PTPRH: variants seen among roughly 807,000 people sequenced by gnomAD.
PTPRH encodes receptor-type tyrosine-protein phosphatase H.
PTPRH carries 113 observed loss-of-function variants against 130.2 expected under a neutral mutation model. The ratio of observed to expected loss-of-function variants is 0.87; its 90% CI spans 0.75 to 1.01. The LOEUF (loss-of-function observed/expected upper bound fraction) is 1.01, where lower values mean the gene tolerates loss of function less well. PTPRH is among the 50% of genes least tolerant of loss of function. The probability of loss-of-function intolerance (pLI) is 0.00; values close to 1 mark genes in which losing one functional copy is unlikely to be tolerated. For missense variants in PTPRH, 1,430 were observed against 1,425.0 expected, an observed-to-expected ratio of 1.00 and a Z score of -0.06; for synonymous variants, 556 against 577.9, an observed-to-expected ratio of 0.96 and a Z score of 0.54.
rs2086888451 is a variant in PTPRH, at chr19:55,202,267, G to A, written c.942C>T (p.Ala314=). Residue 314 remains alanine, a synonymous_variant, in exon 6 of 20, where the codon GCC becomes GCT. Transcript: ENST00000376350. ...TVEAQTNSSI[A]LTWEVPDGPD... is the part of the protein sequence containing the mutation. ...GGCCATCGGGGACCTCCCAGGTCAGGGCGATGGAGCTGTTGGTCTGAGCCT... is the reference window on the plus strand; with the variant it reads ...GGCCATCGGGGACCTCCCAGGTCAGAGCGATGGAGCTGTTGGTCTGAGCCT... 6.2e-7 allele frequency: 1 copy of A among 1,614,216 alleles called. No homozygotes were observed. The highest frequency in any genetic ancestry group is 8.5e-7 in the Non-Finnish European group (1 of 1,180,030).
intron 10 of PTPRH, among the ~76,000 whole-genome samples, chr19:55,192,254 T>C (rs2086564639): frequency 6.6e-6 from 1 of 151,552 alleles, no homozygotes; most frequent in Admixed American, 6.6e-5. Flanking sequence ...TACAAAAAAT[T>C]AGCAGGGCGT....
At chr19:55,204,981 G>T (rs547432890) in intron 4 of PTPRH, among the ~76,000 whole-genome samples, 7 of 152,230 alleles carry the variant, frequency 4.6e-5, no homozygotes, top group African/African-American at 1.7e-4. Context: ...AATATGTGAC[G>T]CAGCTGGGGA....
At chr19:55,192,014 A>G (rs1446511105) in intron 10 of PTPRH, 1 of 596,260 alleles carries the variant, frequency 1.7e-6, no homozygotes, top group Non-Finnish European at 3.1e-6. Flanking sequence ...GAAGACCTTT[A>G]TGATGATCTA....
intron 18 of PTPRH, among the ~76,000 whole-genome samples, chr19:55,184,190 A>G (rs1345117505): frequency 6.6e-6 from 1 of 152,082 alleles, no homozygotes; most frequent in East Asian, 1.9e-4. Context: ...AGGCTGAGGC[A>G]GGAGAATTGC....
intron 6 of PTPRH, 69 bp downstream of exon 6, chr19:55,201,987 C>T (rs528932759): frequency 6.3e-6 from 10 of 1,580,246 alleles, no homozygotes; most frequent in East Asian, 2.2e-5. Flanking sequence ...AATAGACAAT[C>T]GTCTACATTC....
intron 5 of PTPRH, among the ~76,000 whole-genome samples, chr19:55,203,225 G>C (rs1488907613): frequency 1.3e-5 from 2 of 150,710 alleles, no homozygotes; most frequent in Admixed American, 6.6e-5. Flanking sequence ...TACTCGGGAG[G>C]CTGAGGCAGG....
chr19:55,183,726 C>CA (rs375989940), intron 18 of PTPRH, among the ~76,000 whole-genome samples: 2,599 of 150,166 alleles, frequency 0.017, 80 homozygotes, highest in African/African-American at 0.059. Context: ...TCTGTCTCCA[C>CA]AAAAAAAAAT....
At chr19:55,185,384 C>T in intron 18 of PTPRH, 118 bp downstream of exon 18, 4 of 1,109,148 alleles carry the variant, frequency 3.6e-6, no homozygotes, top group Non-Finnish European at 5.1e-6. Flanking sequence ...CCACATCCAC[C>T]TCCTCCTTCT....
intron 3 of PTPRH, 124 bp from the exon 4 acceptor site, chr19:55,205,716 G>A: frequency 7.1e-7 from 1 of 1,405,480 alleles, no homozygotes; most frequent in Admixed American, 2.6e-5. Context: ...TGTCCAGTGT[G>A]GCAGCCACGA....
chr19:55,189,530 A>T (rs1023797422), intron 12 of PTPRH, among the ~76,000 whole-genome samples: 1 of 152,154 alleles, frequency 6.6e-6, no homozygotes. Context: ...TCTGAACCTC[A>T]CGTGTGCTGT....
intron 14 of PTPRH, among the ~76,000 whole-genome samples, chr19:55,187,073 C>G (rs534397180): frequency 6.7e-6 from 1 of 148,222 alleles, no homozygotes; most frequent in Admixed American, 6.8e-5. Context: ...GGGCCGGGCG[C>G]AGTGGCTCAC....
Position 55,181,742 on chromosome 19 carries a change from C to A in PTPRH, c.*12G>T, listed in dbSNP as rs1454109230. 4 of 1,613,864 alleles carry A rather than the reference C, an allele frequency of 2.5e-6. No homozygotes were observed. The highest frequency in any genetic ancestry group is 4.5e-5 in the East Asian group (2 of 44,880). ...GAGGATGCCTGGGCTGCCGACCCAG[C>A]CCCCTCGTCACTTAGACCTCCAACT... On this transcript the variant is annotated 3_prime_UTR_variant, in exon 20 of 20. Coordinates refer to ENST00000376350, the MANE Select transcript of PTPRH (RefSeq NM_002842.5).
rs1470769584 is a variant in PTPRH, at chr19:55,198,883, G to A, written c.1450C>T (p.Gln484Ter). ...GCAATGGTGCTGTTGGTCCAGTCCT[G>A]CTTGCTGAGGCTTGTCACTGCGTTG... ...VPNAVTSLSK[Q>*]DWTNSTIALR... Residue 484 changes from glutamine to a stop codon, truncating the protein, a stop_gained, in exon 8 of 20, where the codon CAG becomes TAG. Transcript: ENST00000376350. LOFTEE classifies it high-confidence loss of function. 2.6e-6 allele frequency: 4 copies of A among 1,524,734 alleles called. No individual in the cohort carries two copies. In the African/African-American group the frequency reaches 5.5e-5, roughly 21 times the overall value. The allele number at this position is 1,524,734 out of a possible 1,614,324, so 94.5% of individuals were successfully genotyped here. A position where few individuals can be genotyped will look rare whatever the true frequency, so the allele number is the denominator to read the frequency against.
chr19:55,206,717 GCTATTTACTCCGTCTTT>G lies in PTPRH; in HGVS notation c.307_323del (p.Lys103LeufsTer47). The G allele has an allele frequency of 1.2e-6, 2 of 1,611,708 alleles. No homozygotes were observed. Among genetic ancestry groups the G allele is most frequent in the South Asian group, 2.2e-5 (2 of 90,998 alleles). On this transcript the variant is annotated frameshift_variant, in exon 3 of 20. Transcript: ENST00000376350. LOFTEE classifies it high-confidence loss of function. ...TGGCAGTAGTGACAGTCCCCACAGA[GCTATTTACTCCGTCTTT>G]CTCCACCCACACAGAACACGTATAC...
chr19:55,196,891 C>T, intron 9 of PTPRH, 103 bp from the exon 10 acceptor site: 1 of 1,396,984 alleles, frequency 7.2e-7, no homozygotes. Flanking sequence ...CCTTCCTCGC[C>T]AAATCCAAAC....
At chr19:55,205,663 C>T (rs528932882) in intron 3 of PTPRH, 71 bp from the exon 4 acceptor site, 171 of 1,585,296 alleles carry the variant, frequency 1.1e-4, no homozygotes, top group East Asian at 1.0e-3. Flanking sequence ...CTTCCTTAAC[C>T]GTTGCATCCA....
Position 55,209,324 on chromosome 19 carries a change from T to A in PTPRH, c.51+59A>T. 6.9e-7 allele frequency: 1 copy of A among 1,448,514 alleles called. No individual in the cohort carries two copies. Among genetic ancestry groups the A allele is most frequent in the Non-Finnish European group, 9.5e-7 (1 of 1,052,664 alleles). The allele number at this position is 1,448,514 out of a possible 1,614,324, so 89.7% of individuals were successfully genotyped here. A position where few individuals can be genotyped will look rare whatever the true frequency, so the allele number is the denominator to read the frequency against. ...ATCGAGGTGCAGGCACCCAGCTCCTTCTCCCTCAGACCTGGGAGTCCCTGC... is the reference window on the plus strand; with the variant it reads ...ATCGAGGTGCAGGCACCCAGCTCCTACTCCCTCAGACCTGGGAGTCCCTGC... On this transcript the variant is annotated intron_variant, in intron 1 of 19. Transcript: ENST00000376350. The surrounding 1 kb of genome is among the most constrained non-coding windows in gnomAD (Gnocchi z 4.1).
At chr19:55,196,424 G>C (rs2086680656) in intron 10 of PTPRH, 98 bp downstream of exon 10, 1 of 1,372,522 alleles carries the variant, frequency 7.3e-7, no homozygotes. Context: ...CAAAGGAAAT[G>C]AGAAACAAAA....
intron 16 of PTPRH, 45 bp from the exon 17 acceptor site, chr19:55,186,029 G>A (rs751640155): frequency 6.2e-7 from 1 of 1,613,096 alleles, no homozygotes; most frequent in South Asian, 1.1e-5. Flanking sequence ...CTCTTACCCA[G>A]GTCTGTGGGG....
Sources: allele counts gnomAD v4.1 joint callset (sites outside exome capture counted in the v4.1 genomes callset), GRCh38; gene constraint gnomAD v4.1.1; non-coding constraint Gnocchi (gnomAD v3.1); transcripts MANE v1.5; gene names NCBI Gene and HGNC (gene_info 2026-07-23, HGNC 2026-07-21).